The following ANKH variants were observed in gnomAD, a reference collection of about 807,000 sequenced individuals.
ANKH encodes mineralization regulator ANKH.
ANKH carries 15 observed loss-of-function variants against 49.0 expected under a neutral mutation model. The ratio of observed to expected loss-of-function variants is 0.31; its 90% CI spans 0.20 to 0.47. ANKH has a LOEUF of 0.47. ANKH is among the 20% of genes least tolerant of loss of function. ANKH has a pLI of 1.00. For synonymous variants in ANKH, 273 were observed against 260.0 expected (o/e 1.05, Z -0.48); for missense variants, 429 against 652.0 (o/e 0.66, Z 3.72).
intron 4 of ANKH, among the ~76,000 whole-genome samples, chr5:14,754,430 A>G (rs141398971): frequency 1.9e-3 from 288 of 151,818 alleles, no homozygotes; most frequent in African/African-American, 6.5e-3. Flanking sequence ...GAAATTAGAG[A>G]GGCTTACTGA....
chr5:14,715,379 C>T (rs1356760289), intron 9 of ANKH, among the ~76,000 whole-genome samples: 3 of 152,164 alleles, frequency 2.0e-5, no homozygotes, highest in African/African-American at 7.2e-5. Context: ...GATCCACCTG[C>T]CTCGGACTAC....
At chr5:14,781,270 G>T (rs1268391800) in intron 1 of ANKH, among the ~76,000 whole-genome samples, 2 of 152,186 alleles carry the variant, frequency 1.3e-5, no homozygotes, top group African/African-American at 4.8e-5. Flanking sequence ...GCCCACACAT[G>T]AGGTTGTGGT....
intron 1 of ANKH, among the ~76,000 whole-genome samples, chr5:14,819,384 G>A (rs1450442687): frequency 6.6e-6 from 1 of 152,224 alleles, no homozygotes; most frequent in Non-Finnish European, 1.5e-5. Context: ...TGCGGCGAGG[G>A]CCTGGACTTT....
rs937370641 is a variant in ANKH, at chr5:14,725,374, C to T, written c.1012-8539G>A. ...TTGACTCCATAAAGTAAATCGATGCCTGCCTTCCTTAAGAAAGTCTTGCCA... is the reference window on the plus strand; with the variant it reads ...TTGACTCCATAAAGTAAATCGATGCTTGCCTTCCTTAAGAAAGTCTTGCCA... On this transcript the variant is annotated intron_variant, in intron 8 of 11. Coordinates refer to ENST00000284268, the MANE Select transcript of ANKH (RefSeq NM_054027.6). The surrounding 1 kb of genome is among the most constrained non-coding windows in gnomAD (Gnocchi z 4.0). Among the ~76,000 whole-genome samples, 2 of 152,110 alleles carry T rather than the reference C, an allele frequency of 1.3e-5. No individual in the cohort carries two copies. The highest frequency in any genetic ancestry group is 4.8e-5 in the African/African-American group (2 of 41,460).
intron 1 of ANKH, among the ~76,000 whole-genome samples, chr5:14,809,899 G>T (rs1740826158): frequency 6.6e-6 from 1 of 152,088 alleles, no homozygotes; most frequent in Admixed American, 6.6e-5. Flanking sequence ...ACAACAGAAT[G>T]AAGATCTGAA....
At chr5:14,780,043 AG>A (rs1285463948) in intron 1 of ANKH, among the ~76,000 whole-genome samples, 1 of 150,218 alleles carries the variant, frequency 6.7e-6, no homozygotes, top group African/African-American at 2.4e-5. Flanking sequence ...TCACATTCAA[AG>A]GATAACAGCT....
At chr5:14,844,157 G>A (rs1279807139) in intron 1 of ANKH, among the ~76,000 whole-genome samples, 1 of 152,204 alleles carries the variant, frequency 6.6e-6, no homozygotes, top group Non-Finnish European at 1.5e-5. Flanking sequence ...CTCCCCAAGT[G>A]TGGTGTAACA....
Position 14,838,228 on chromosome 5 carries a change from G to A in ANKH, c.96+33124C>T, listed in dbSNP as rs531614054. On this transcript the variant is annotated intron_variant, in intron 1 of 11. Coordinates refer to ENST00000284268, the MANE Select transcript of ANKH (RefSeq NM_054027.6). ...GTATACATATGTCACAAACCTGCACGTTGTGCACATGTACCCTAGAACTTA... is the reference window on the plus strand; with the variant it reads ...GTATACATATGTCACAAACCTGCACATTGTGCACATGTACCCTAGAACTTA... 2.4e-3 allele frequency among the ~76,000 whole-genome samples: 353 copies of A among 146,908 alleles called. 2 individuals carry two copies. Among genetic ancestry groups the A allele is most frequent in the African/African-American group, 8.5e-3 (338 of 39,914 alleles).
At chr5:14,805,127 T>C (rs1186599827) in intron 1 of ANKH, among the ~76,000 whole-genome samples, 1 of 152,060 alleles carries the variant, frequency 6.6e-6, no homozygotes. Flanking sequence ...ACCCTTAATC[T>C]GGTGGGCACA....
At chr5:14,773,475 C>T (rs913258092) in intron 1 of ANKH, among the ~76,000 whole-genome samples, 8 of 147,746 alleles carry the variant, frequency 5.4e-5, no homozygotes, top group African/African-American at 2.0e-4. Flanking sequence ...AGTGCTGAGG[C>T]AGGTGGGAAG....
intron 1 of ANKH, chr5:14,870,887 T>C (rs1211942895): frequency 2.9e-6 from 1 of 349,850 alleles, no homozygotes; most frequent in Non-Finnish European, 5.6e-6. Flanking sequence ...CCCTAATCCT[T>C]ACCTGGACTA....
intron 1 of ANKH, among the ~76,000 whole-genome samples, chr5:14,823,353 G>A (rs16903712): frequency 0.13 from 19,000 of 151,992 alleles, 1,582 homozygotes; most frequent in East Asian, 0.44. Context: ...CAGAATATCA[G>A]GAATAACAAC....
chr5:14,838,578 T>C (rs1440537921), intron 1 of ANKH, among the ~76,000 whole-genome samples: 1 of 151,916 alleles, frequency 6.6e-6, no homozygotes, highest in Non-Finnish European at 1.5e-5. Flanking sequence ...CACACGTGAG[T>C]GGCAGCCCCT....
intron 7 of ANKH, 28 bp from the exon 8 acceptor site, chr5:14,741,950 T>C: frequency 6.3e-7 from 1 of 1,579,450 alleles, no homozygotes; most frequent in Admixed American, 1.7e-5. Flanking sequence ...CAGTCATGAA[T>C]GGGCCCGGCT....
chr5:14,718,967 A>G (rs1333095560), intron 8 of ANKH, among the ~76,000 whole-genome samples: 2 of 151,254 alleles, frequency 1.3e-5, no homozygotes, highest in Admixed American at 6.6e-5. Flanking sequence ...GAAGCACAGG[A>G]GAAGAGAGTT....
intron 3 of ANKH, among the ~76,000 whole-genome samples, chr5:14,756,298 C>T (rs965846128): frequency 6.6e-6 from 1 of 152,228 alleles, no homozygotes; most frequent in African/African-American, 2.4e-5. Flanking sequence ...AAGTAGCATC[C>T]TTCCCACGTG....
rs952816954 is a variant in ANKH at position 14,710,633 on chromosome 5, A to C, written c.*564T>G. The C allele has an allele frequency of 4.9e-5, 8 of 162,844 alleles. No individual in the cohort carries two copies. The highest frequency in any genetic ancestry group is 1.7e-4 in the African/African-American group (7 of 41,548). The allele number at this position is 162,844 out of a possible 1,614,324, so 10.1% of individuals were successfully genotyped here. A position where few individuals can be genotyped will look rare whatever the true frequency, so the allele number is the denominator to read the frequency against. On this transcript the variant is annotated 3_prime_UTR_variant, in exon 12 of 12. Coordinates refer to ENST00000284268, the MANE Select transcript of ANKH (RefSeq NM_054027.6). ...AGTGTGAACGGGGACTCCGGGCTGC[A>C]GCGTGCCACCCGCCTCCTGCATGTG... is the stretch of plus-strand genomic sequence containing the variant.
At chr5:14,762,965 G>A (rs987821601) in intron 2 of ANKH, among the ~76,000 whole-genome samples, 4 of 152,196 alleles carry the variant, frequency 2.6e-5, no homozygotes, top group Non-Finnish European at 4.4e-5. Flanking sequence ...AGAAGACACT[G>A]ACTTGACCTG....
chr5:14,771,189 T>C (rs1739418948), intron 1 of ANKH, among the ~76,000 whole-genome samples: 2 of 152,296 alleles, frequency 1.3e-5, no homozygotes, highest in Middle Eastern at 3.4e-3. Context: ...AGAACTAATC[T>C]TCAAACATAT....
Sources: gnomAD v4.1 joint callset for allele counts (sites outside exome capture counted in the v4.1 genomes callset) on GRCh38, gnomAD v4.1.1 for gene constraint, Gnocchi (gnomAD v3.1) non-coding constraint, MANE v1.5 for transcripts, NCBI Gene and HGNC (gene_info 2026-07-23, HGNC 2026-07-21) for gene names.